The following LRRTM4 variants were observed in gnomAD, a reference collection of about 807,000 sequenced individuals.
LRRTM4 encodes leucine rich repeat transmembrane neuronal 4.
LRRTM4 carries 25 observed loss-of-function variants against 47.6 expected under a neutral mutation model. The observed-to-expected ratio is 0.53, with a 90% CI of 0.38 to 0.73. LRRTM4 has a LOEUF of 0.73. Ranked by LOEUF, LRRTM4 falls within the 30% of genes least tolerant of loss-of-function variation. The pLI is 0.00. For missense variants in LRRTM4, 638 were observed against 713.4 expected (o/e 0.89, Z 1.20); for synonymous variants, 311 against 269.5 (o/e 1.15, Z -1.51).
At chr2:77,249,565 C>T (rs1400160666) in intron 3 of LRRTM4, among the ~76,000 whole-genome samples, 1 of 151,850 alleles carries the variant, frequency 6.6e-6, no homozygotes, top group Non-Finnish European at 1.5e-5. Context: ...ACAGATATTC[C>T]ATATTCCATA....
intron 3 of LRRTM4, among the ~76,000 whole-genome samples, chr2:77,197,510 A>G (rs953688145): frequency 1.2e-4 from 18 of 152,192 alleles, no homozygotes; most frequent in Non-Finnish European, 1.6e-4. Flanking sequence ...AGTACATCTT[A>G]CAACTTTCTA....
At chr2:76,883,970 AC>A (rs775792055) in intron 3 of LRRTM4, among the ~76,000 whole-genome samples, 3 of 147,978 alleles carry the variant, frequency 2.0e-5, no homozygotes, top group Non-Finnish European at 4.4e-5. Context: ...GGTGCACACC[AC>A]CACACCCGGC....
chr2:77,113,337 T>C (rs1187414052), intron 3 of LRRTM4, among the ~76,000 whole-genome samples: 2 of 152,264 alleles, frequency 1.3e-5, no homozygotes, highest in Non-Finnish European at 1.5e-5. Context: ...TAATACCATT[T>C]TAACACAAGG....
chr2:76,750,785 G>A (rs922759656), intron 3 of LRRTM4, among the ~76,000 whole-genome samples: 3 of 152,162 alleles, frequency 2.0e-5, no homozygotes, highest in South Asian at 4.1e-4. Context: ...TTAATACAAC[G>A]TTGACACAAA....
chr2:77,109,106 C>G lies in LRRTM4; in HGVS notation c.1552-360190G>C, dbSNP rs142705498. 1.0e-3 allele frequency among the ~76,000 whole-genome samples: 155 copies of G among 152,232 alleles called. 1 individual carries two copies. Among genetic ancestry groups the G allele is most frequent in the African/African-American group, 3.6e-3 (151 of 41,550 alleles). Reference sequence around the variant, plus strand: ...CAAGGTAACAGAAAGTGAAACTATACTTTAAATACACATTGACACTTTATT... The same window carrying G: ...CAAGGTAACAGAAAGTGAAACTATAGTTTAAATACACATTGACACTTTATT... On this transcript the variant is annotated intron_variant, in intron 3 of 3. Coordinates refer to ENST00000409884, the MANE Select transcript of LRRTM4 (RefSeq NM_001134745.3).
intron 3 of LRRTM4, among the ~76,000 whole-genome samples, chr2:76,912,210 C>T (rs1210682586): frequency 6.6e-6 from 1 of 152,086 alleles, no homozygotes; most frequent in Non-Finnish European, 1.5e-5. Flanking sequence ...TGAGCCACCG[C>T]CCCTGGCCGA....
At chr2:76,803,793 A>T (rs1324787039) in intron 3 of LRRTM4, among the ~76,000 whole-genome samples, 2 of 152,166 alleles carry the variant, frequency 1.3e-5, no homozygotes, top group Non-Finnish European at 2.9e-5. Flanking sequence ...CATAACTAAT[A>T]ACAGTGGTTC....
At chr2:77,096,282 GA>G (rs967745332) in intron 3 of LRRTM4, among the ~76,000 whole-genome samples, 2 of 151,724 alleles carry the variant, frequency 1.3e-5, no homozygotes, top group African/African-American at 4.8e-5. Context: ...CAAAATTTTG[GA>G]AAAAACTGTC....
chr2:77,499,549 C>T (rs1344178590), intron 3 of LRRTM4, among the ~76,000 whole-genome samples: 1 of 151,848 alleles, frequency 6.6e-6, no homozygotes, highest in Non-Finnish European at 1.5e-5. Flanking sequence ...ATTTTAGTTC[C>T]TCACTCTATC....
intron 3 of LRRTM4, among the ~76,000 whole-genome samples, chr2:77,283,792 T>C (rs1265458210): frequency 6.6e-6 from 1 of 151,894 alleles, no homozygotes; most frequent in East Asian, 1.9e-4. Context: ...TGGACTTAAC[T>C]TGGCAACAAT....
intron 3 of LRRTM4, among the ~76,000 whole-genome samples, chr2:76,829,362 C>T (rs1671271708): frequency 6.6e-6 from 1 of 151,900 alleles, no homozygotes; most frequent in African/African-American, 2.4e-5. Context: ...CATTTGTACT[C>T]TTGTTCTAAC....
chr2:77,075,645 G>T (rs540401488), intron 3 of LRRTM4, among the ~76,000 whole-genome samples: 13 of 151,970 alleles, frequency 8.6e-5, no homozygotes, highest in Non-Finnish European at 1.5e-4. Context: ...GCCGGGCGCG[G>T]TGGCTCACGC....
chr2:77,192,265 A>C (rs1673690283), intron 3 of LRRTM4, among the ~76,000 whole-genome samples: 1 of 152,114 alleles, frequency 6.6e-6, no homozygotes, highest in African/African-American at 2.4e-5. Flanking sequence ...GTTTGAATCA[A>C]GATTTTTGCT....
intron 3 of LRRTM4, among the ~76,000 whole-genome samples, chr2:77,421,426 G>T (rs1674877688): frequency 6.6e-6 from 1 of 152,182 alleles, no homozygotes; most frequent in African/African-American, 2.4e-5. Context: ...GAAGAGTCCA[G>T]GCCGGGCGTG....
chr2:77,118,979 C>T (rs1037368380), intron 3 of LRRTM4, among the ~76,000 whole-genome samples: 1 of 151,810 alleles, frequency 6.6e-6, no homozygotes, highest in Non-Finnish European at 1.5e-5. Context: ...TGGGATTACT[C>T]TATGCAGAAC....
chr2:77,136,292 G>C (rs1226358169), intron 3 of LRRTM4, among the ~76,000 whole-genome samples: 4 of 152,158 alleles, frequency 2.6e-5, no homozygotes, highest in African/African-American at 9.7e-5. Context: ...CCAGAAGAAC[G>C]ATCAGGCAAC....
intron 3 of LRRTM4, among the ~76,000 whole-genome samples, chr2:77,137,123 G>C (rs1671968071): frequency 1.3e-5 from 2 of 151,704 alleles, no homozygotes; most frequent in African/African-American, 4.9e-5. Flanking sequence ...GAAATACATA[G>C]AGTACCACAA....
At chr2:77,002,101 C>G (rs6547113) in intron 3 of LRRTM4, among the ~76,000 whole-genome samples, 1,943 of 152,118 alleles carry the variant, frequency 0.013, 53 homozygotes, top group African/African-American at 0.044. Context: ...CTTTGCAAAT[C>G]TTCAATGTCA....
chr2:77,415,031 G>A (rs996774316), intron 3 of LRRTM4, among the ~76,000 whole-genome samples: 1 of 152,068 alleles, frequency 6.6e-6, no homozygotes, highest in African/African-American at 2.4e-5. Flanking sequence ...AAGATTAGAT[G>A]GTAGTGATTT....
Sources: allele counts gnomAD v4.1 joint callset (sites outside exome capture counted in the v4.1 genomes callset), GRCh38; gene constraint gnomAD v4.1.1; transcripts MANE v1.5; gene names NCBI Gene and HGNC (gene_info 2026-07-23, HGNC 2026-07-21).